Variants in SORCS1 observed in about 807,000 individuals in gnomAD.
The protein encoded by SORCS1 is VPS10 domain-containing receptor SorCS1.
SORCS1 carries 60 observed loss-of-function variants against 146.1 expected under a neutral mutation model. That is an observed-to-expected ratio of 0.41 (90% CI 0.33 to 0.51). The LOEUF (loss-of-function observed/expected upper bound fraction) is 0.51, where lower values mean the gene tolerates loss of function less well. SORCS1 is among the 20% of genes least tolerant of loss of function. The probability of loss-of-function intolerance (pLI) is 0.21; values close to 1 mark genes in which losing one functional copy is unlikely to be tolerated. For synonymous variants in SORCS1, 637 were observed against 584.0 expected (o/e 1.09, Z -1.31); for missense variants, 1,352 against 1,487.6 (o/e 0.91, Z 1.50).
At chr10:107,113,689 C>CAAAA (rs538551901) in intron 1 of SORCS1, among the ~76,000 whole-genome samples, 2 of 49,186 alleles carry the variant, frequency 4.1e-5, no homozygotes, top group Non-Finnish European at 8.6e-5. Flanking sequence ...GACTCCATCT[C>CAAAA]AAAAAAAAAA....
At chr10:106,631,696 C>A (rs1848451956) in intron 18 of SORCS1, among the ~76,000 whole-genome samples, 1 of 152,202 alleles carries the variant, frequency 6.6e-6, no homozygotes. Flanking sequence ...GGGAGATTCA[C>A]ACCTTCAGTC....
chr10:107,020,272 A>G (rs1239210677), intron 1 of SORCS1, among the ~76,000 whole-genome samples: 1 of 152,206 alleles, frequency 6.6e-6, no homozygotes, highest in Non-Finnish European at 1.5e-5. Flanking sequence ...TTAGAATTGC[A>G]TGTAGTAAAT....
intron 17 of SORCS1, among the ~76,000 whole-genome samples, chr10:106,658,848 G>C (rs1012188882): frequency 6.6e-6 from 1 of 152,130 alleles, no homozygotes; most frequent in Non-Finnish European, 1.5e-5. Context: ...CAGAGAAACT[G>C]CTTCTGAAAA....
rs1423413270 is a variant in SORCS1 at position 107,072,952 on chromosome 10, G to C, written c.558+91017C>G. On this transcript the variant is annotated intron_variant, in intron 1 of 25. Transcript: ENST00000263054. ...CGATATTCAATGACACTGATACAAA[G>C]GCCCCTTGTGCCCTAACGCTGCAGG... Among the ~76,000 whole-genome samples the C allele has an allele frequency of 2.0e-5, 3 of 152,088 alleles. No homozygotes were observed. The East Asian group carries it at 5.8e-4, about 29-fold the overall frequency.
chr10:106,884,284 A>G (rs918064414), intron 2 of SORCS1, among the ~76,000 whole-genome samples: 3 of 152,190 alleles, frequency 2.0e-5, no homozygotes, highest in Non-Finnish European at 2.9e-5. Context: ...GGAAAAAACA[A>G]CTTCCTCTCA....
intron 24 of SORCS1, among the ~76,000 whole-genome samples, chr10:106,583,131 T>G (rs1845020723): frequency 6.6e-6 from 1 of 152,186 alleles, no homozygotes; most frequent in Non-Finnish European, 1.5e-5. Context: ...TAAAATGAGA[T>G]GGAATTTATA....
At chr10:107,021,439 G>A (rs561214348) in intron 1 of SORCS1, among the ~76,000 whole-genome samples, 11 of 148,000 alleles carry the variant, frequency 7.4e-5, no homozygotes, top group South Asian at 6.5e-4. Context: ...GCGTGAACCC[G>A]GGAGGCAGAA....
chr10:106,789,669 A>G (rs3885964), intron 3 of SORCS1, among the ~76,000 whole-genome samples: 6,305 of 152,286 alleles, frequency 0.041, 366 homozygotes, highest in African/African-American at 0.12. Context: ...ACCAATCTCT[A>G]GGAAGTTCCA....
At chr10:106,813,798 C>G (rs1365533114) in intron 3 of SORCS1, among the ~76,000 whole-genome samples, 3 of 151,972 alleles carry the variant, frequency 2.0e-5, no homozygotes, top group African/African-American at 7.2e-5. Flanking sequence ...AATTAGCTGG[C>G]AGAGGGGACA....
intron 2 of SORCS1, among the ~76,000 whole-genome samples, chr10:106,917,437 T>C (rs1038577013): frequency 1.3e-5 from 2 of 152,236 alleles, no homozygotes; most frequent in Non-Finnish European, 2.9e-5. Context: ...AGGCTCTATA[T>C]CTCTTGAGGA....
chr10:106,640,738 A>G (rs1363680292), intron 18 of SORCS1, among the ~76,000 whole-genome samples: 1 of 152,202 alleles, frequency 6.6e-6, no homozygotes, highest in Admixed American at 6.5e-5. Context: ...GGTTCTCATT[A>G]GTGGTCCAGA....
intron 4 of SORCS1, among the ~76,000 whole-genome samples, chr10:106,764,261 A>G (rs1235396197): frequency 6.6e-6 from 1 of 152,184 alleles, no homozygotes; most frequent in Non-Finnish European, 1.5e-5. Context: ...TTTCTCCCTA[A>G]AAAATTAATT....
At chr10:107,050,939 A>G (rs1014756267) in intron 1 of SORCS1, among the ~76,000 whole-genome samples, 1 of 152,064 alleles carries the variant, frequency 6.6e-6, no homozygotes, top group African/African-American at 2.4e-5. Flanking sequence ...TCTTTTATTC[A>G]TTAAATCGTT....
intron 2 of SORCS1, among the ~76,000 whole-genome samples, chr10:106,867,907 G>C (rs1361805825): frequency 6.6e-6 from 1 of 152,178 alleles, no homozygotes; most frequent in Non-Finnish European, 1.5e-5. Context: ...TAAAGGCACA[G>C]AGTGTCAAGC....
intron 1 of SORCS1, among the ~76,000 whole-genome samples, chr10:107,107,879 T>C (rs748622017): frequency 6.6e-6 from 1 of 152,202 alleles, no homozygotes; most frequent in Admixed American, 6.5e-5. Context: ...GAAAAATTCA[T>C]GCACACTAGT....
At chr10:106,602,723 C>T (rs181896279) in intron 23 of SORCS1, among the ~76,000 whole-genome samples, 2 of 152,310 alleles carry the variant, frequency 1.3e-5, no homozygotes, top group African/African-American at 4.8e-5. Context: ...CTCTTACCTC[C>T]TCCACTTTTG....
At chr10:107,105,186 G>A (rs567802388) in intron 1 of SORCS1, among the ~76,000 whole-genome samples, 3 of 152,128 alleles carry the variant, frequency 2.0e-5, no homozygotes, top group African/African-American at 4.8e-5. Flanking sequence ...TTCTGGGGGC[G>A]AACACAGATG....
Position 106,810,480 on chromosome 10 carries a change from T to C in SORCS1, c.726+19094A>G, listed in dbSNP as rs73371381. ...GCCTATGTGGGATGCCTGTGTTTCA[T>C]ACCAAGACAGAGTCACTTGCTGTGC... On this transcript the variant is annotated intron_variant, in intron 3 of 25. Coordinates refer to ENST00000263054, the MANE Select transcript of SORCS1 (RefSeq NM_052918.5). Among the ~76,000 whole-genome samples the C allele has an allele frequency of 2.3e-3, 347 of 152,358 alleles. 1 individual carries two copies. The highest frequency in any genetic ancestry group is 8.2e-3 in the African/African-American group (341 of 41,586).
chr10:106,867,778 C>G (rs989545156), intron 2 of SORCS1, among the ~76,000 whole-genome samples: 1 of 152,130 alleles, frequency 6.6e-6, no homozygotes, highest in Non-Finnish European at 1.5e-5. Flanking sequence ...AGACCAGTAA[C>G]AGTATAAAGC....
Sources: allele counts gnomAD v4.1 joint callset (sites outside exome capture counted in the v4.1 genomes callset), GRCh38; gene constraint gnomAD v4.1.1; transcripts MANE v1.5; gene names NCBI Gene and HGNC (gene_info 2026-07-23, HGNC 2026-07-21).